The following KCNJ6 variants were observed in gnomAD, a reference collection of about 807,000 sequenced individuals.
The protein encoded by KCNJ6 is G protein-activated inward rectifier potassium channel 2.
In KCNJ6, 9 loss-of-function variants were observed where a neutral mutation model predicts 34.2. That is an observed-to-expected ratio of 0.26 (90% confidence interval 0.16 to 0.46). The LOEUF is 0.46. Ranked by LOEUF, KCNJ6 falls within the 20% of genes least tolerant of loss-of-function variation. The probability of loss-of-function intolerance (pLI) is 1.00; values close to 1 mark genes in which losing one functional copy is unlikely to be tolerated. For synonymous variants in KCNJ6, 196 were observed against 207.1 expected (o/e 0.95, Z 0.46); for missense variants, 236 against 531.3 (o/e 0.44, Z 5.46).
chr21:37,709,362 T>C (rs1389947705), intron 3 of KCNJ6, among the ~76,000 whole-genome samples: 1 of 151,964 alleles, frequency 6.6e-6, no homozygotes, highest in Non-Finnish European at 1.5e-5. Context: ...AATTACAAAA[T>C]TAGCCGGGCG....
intron 2 of KCNJ6, among the ~76,000 whole-genome samples, chr21:37,773,138 A>C (rs570682427): frequency 4.3e-4 from 65 of 152,264 alleles, no homozygotes; most frequent in Admixed American, 7.2e-4. Context: ...CTGTTTGTGG[A>C]TGATGATCCT....
chr21:37,657,985 GC>G (rs2054471901), intron 3 of KCNJ6, among the ~76,000 whole-genome samples: 2 of 152,230 alleles, frequency 1.3e-5, no homozygotes, highest in South Asian at 2.1e-4. Context: ...GCCTTGCAGG[GC>G]TGGTCTTAGG....
At chr21:37,826,384 G>C (rs749674452) in intron 2 of KCNJ6, among the ~76,000 whole-genome samples, 1 of 152,116 alleles carries the variant, frequency 6.6e-6, no homozygotes, top group Non-Finnish European at 1.5e-5. Flanking sequence ...ATTTGATACC[G>C]TGTCTTAGTT....
At chr21:37,911,838 T>A (rs2055868397) in intron 1 of KCNJ6, among the ~76,000 whole-genome samples, 1 of 152,224 alleles carries the variant, frequency 6.6e-6, no homozygotes. Context: ...CAACATTTTC[T>A]ACCTGTGAAA....
At chr21:37,891,920 G>A (rs1395504132) in intron 1 of KCNJ6, among the ~76,000 whole-genome samples, 2 of 152,142 alleles carry the variant, frequency 1.3e-5, no homozygotes, top group African/African-American at 4.8e-5. Context: ...GATGGGGAAG[G>A]GGTGTGGGAT....
intron 1 of KCNJ6, among the ~76,000 whole-genome samples, chr21:37,850,806 C>A (rs924680801): frequency 2.0e-5 from 3 of 152,076 alleles, no homozygotes; most frequent in Non-Finnish European, 4.4e-5. Flanking sequence ...ACTCTGGTTA[C>A]CATGGTGCTC....
At chr21:37,645,184 G>A (rs2123381182) in intron 3 of KCNJ6, among the ~76,000 whole-genome samples, 1 of 152,078 alleles carries the variant, frequency 6.6e-6, no homozygotes, top group South Asian at 2.1e-4. Context: ...GACCAGCCTG[G>A]GCGACATAAA....
chr21:37,712,379 T>C (rs1187311839), intron 3 of KCNJ6, among the ~76,000 whole-genome samples: 1 of 152,112 alleles, frequency 6.6e-6, no homozygotes, highest in African/African-American at 2.4e-5. Flanking sequence ...CAGCTGAGGT[T>C]GGGGAAGTTT....
At chr21:37,878,908 C>T (rs1036599510) in intron 1 of KCNJ6, among the ~76,000 whole-genome samples, 1 of 152,140 alleles carries the variant, frequency 6.6e-6, no homozygotes, top group Non-Finnish European at 1.5e-5. Context: ...AGACCAACAC[C>T]ACAGAGTTTC....
chr21:37,717,093 ATC>A (rs10602497), intron 2 of KCNJ6: 17,413 of 154,364 alleles, frequency 0.11, 1,442 homozygotes, highest in African/African-American at 0.23. Context: ...TTAAAAATCA[ATC>A]TCCTGGATCT....
intron 3 of KCNJ6, among the ~76,000 whole-genome samples, chr21:37,704,240 C>G (rs1380641664): frequency 8.6e-6 from 1 of 116,390 alleles, no homozygotes; most frequent in Non-Finnish European, 2.0e-5. Flanking sequence ...TTAACATCAT[C>G]TAGGGGGATC....
chr21:37,814,714 C>T (rs911796389), intron 2 of KCNJ6, among the ~76,000 whole-genome samples: 11 of 151,964 alleles, frequency 7.2e-5, no homozygotes, highest in Admixed American at 2.0e-4. Flanking sequence ...CTGGCTAACA[C>T]GGTGAAACGC....
chr21:37,626,736 G>A (rs1312115662), intron 3 of KCNJ6, among the ~76,000 whole-genome samples: 1 of 152,074 alleles, frequency 6.6e-6, no homozygotes, highest in African/African-American at 2.4e-5. Flanking sequence ...TCTCCATTAG[G>A]CAAAAAGGCG....
chr21:37,781,724 A>C (rs562621399), intron 2 of KCNJ6, among the ~76,000 whole-genome samples: 1 of 152,296 alleles, frequency 6.6e-6, no homozygotes, highest in East Asian at 1.9e-4. Flanking sequence ...TAACTTGGAT[A>C]AGATTGCATA....
intron 3 of KCNJ6, among the ~76,000 whole-genome samples, chr21:37,670,568 C>G (rs891456829): frequency 1.3e-5 from 2 of 152,134 alleles, no homozygotes; most frequent in Non-Finnish European, 2.9e-5. Context: ...AGTTTGAAAC[C>G]AGCCGGGGCA....
chr21:37,666,599 C>T lies in KCNJ6; in HGVS notation c.947-41115G>A, dbSNP rs548680900. On this transcript the variant is annotated intron_variant, in intron 3 of 3. Coordinates refer to ENST00000609713, the MANE Select transcript of KCNJ6 (RefSeq NM_002240.5). ...GGAGTGCCTCTGCCTGGCCACTGTGCAATCTTCCAAGTGTAAAGTGACAGC... is the reference window on the plus strand; with the variant it reads ...GGAGTGCCTCTGCCTGGCCACTGTGTAATCTTCCAAGTGTAAAGTGACAGC... Among the ~76,000 whole-genome samples, 3 of 152,246 alleles carry T rather than the reference C, an allele frequency of 2.0e-5. No individual in the cohort carries two copies. The South Asian group carries it at 6.2e-4, about 32-fold the overall frequency.
intron 1 of KCNJ6, among the ~76,000 whole-genome samples, chr21:37,893,502 A>C (rs1759495084): frequency 6.6e-6 from 1 of 152,188 alleles, no homozygotes. Context: ...CACCGTGCCC[A>C]GCCTGTTCCC....
chr21:37,851,649 T>C (rs1013338834), intron 1 of KCNJ6, among the ~76,000 whole-genome samples: 2 of 152,188 alleles, frequency 1.3e-5, no homozygotes, highest in Admixed American at 1.3e-4. Flanking sequence ...AGGAACACCG[T>C]CCTAATCTCT....
At chr21:37,743,502 C>T (rs1223450111) in intron 2 of KCNJ6, among the ~76,000 whole-genome samples, 5 of 152,148 alleles carry the variant, frequency 3.3e-5, no homozygotes, top group Admixed American at 1.3e-4. Flanking sequence ...GATTAGGCCA[C>T]GAGGGCTCCC....
Sources: gnomAD v4.1 joint callset for allele counts (sites outside exome capture counted in the v4.1 genomes callset) on GRCh38, gnomAD v4.1.1 for gene constraint, MANE v1.5 for transcripts, NCBI Gene and HGNC (gene_info 2026-07-23, HGNC 2026-07-21) for gene names.